Variants in OR3A2 observed in about 807,000 individuals in gnomAD.
The protein encoded by OR3A2 is olfactory receptor 3A2.
For missense variants in OR3A2, 318 were observed against 392.8 expected (o/e 0.81, Z 1.61); for synonymous variants, 126 against 159.3 (o/e 0.79, Z 1.57).
chr17:3,292,316 C>A (rs2150622145), intron 3 of OR3A2: 1 of 1,614,136 alleles, frequency 6.2e-7, no homozygotes, highest in South Asian at 1.1e-5. Context: ...GCTTGCGGGA[C>A]AGGAGACGAC....
rs376331353 is a variant in OR3A2 at position 3,278,934 on chromosome 17, A to G, written c.-6-11T>C. ...TGGCTCCATGAGTTTCTGTAAGGACATGTCCCAGCAGGGGAGGTATCAGTT... is the reference window on the plus strand; with the variant it reads ...TGGCTCCATGAGTTTCTGTAAGGACGTGTCCCAGCAGGGGAGGTATCAGTT... On this transcript the variant is annotated splice_polypyrimidine_tract_variant and intron_variant, in intron 1 of 1. Coordinates refer to ENST00000642052, the Ensembl canonical transcript of OR3A2. The G allele has an allele frequency of 1.3e-6, 2 of 1,543,690 alleles. No homozygotes were observed. Among genetic ancestry groups the G allele is most frequent in the African/African-American group, 2.8e-5 (2 of 72,004 alleles).
chr17:3,298,291 C>T (rs144401251), intron 3 of OR3A2: 38 of 152,274 alleles, frequency 2.5e-4, no homozygotes, highest in African/African-American at 8.7e-4. Flanking sequence ...ACCTGGATTA[C>T]CACTCTCAGG....
At chr17:3,284,154 A>T (rs2048793589) in intron 1 of OR3A2, among the ~76,000 whole-genome samples, 1 of 149,036 alleles carries the variant, frequency 6.7e-6, no homozygotes, top group South Asian at 2.2e-4. Flanking sequence ...ACTCATGCTA[A>T]CAGGCAGCAG....
Position 3,291,914 on chromosome 17 carries a change from G to A in OR3A2, c.-84-12761C>T, listed in dbSNP as rs199711058. Reference sequence around the variant, plus strand: ...GAATTCGCAGGACTGCAGCTGCCACGTGGATATAGGAGATGACAATGAGAG... The same window carrying A: ...GAATTCGCAGGACTGCAGCTGCCACATGGATATAGGAGATGACAATGAGAG... On this transcript the variant is annotated intron_variant, in intron 3 of 4. Coordinates refer to the OR3A2 transcript ENST00000573491. 5.6e-6 allele frequency: 9 copies of A among 1,614,234 alleles called. No homozygotes were observed. In the East Asian group the frequency reaches 6.7e-5, roughly 12 times the overall value.
chr17:3,309,108 A>G (rs7219696), intron 3 of OR3A2, among the ~76,000 whole-genome samples: 28,655 of 151,696 alleles, frequency 0.19, 4,238 homozygotes, highest in African/African-American at 0.41. Flanking sequence ...GTTTCACCAT[A>G]TTGGCTAGGC....
At chr17:3,339,051 T>A (rs763533616) in intron 2 of OR3A2, among the ~76,000 whole-genome samples, 1 of 152,200 alleles carries the variant, frequency 6.6e-6, no homozygotes, top group Admixed American at 6.5e-5. Flanking sequence ...AGTTCACTTA[T>A]GATTTGGCTC....
At chr17:3,292,658 C>G in intron 3 of OR3A2, 1 of 1,325,776 alleles carries the variant, frequency 7.5e-7, no homozygotes, top group African/African-American at 1.5e-5. Flanking sequence ...GAAAAAGAAA[C>G]AGACCCCCTT....
chr17:3,283,329 G>A (rs1387122390), intron 1 of OR3A2, among the ~76,000 whole-genome samples: 1 of 152,062 alleles, frequency 6.6e-6, no homozygotes, highest in African/African-American at 2.4e-5. Flanking sequence ...GGGTTCAAGC[G>A]ATTCTCCTGC....
chr17:3,381,259 G>A (rs976028640), intron 2 of OR3A2, among the ~76,000 whole-genome samples: 23 of 151,964 alleles, frequency 1.5e-4, no homozygotes, highest in East Asian at 3.9e-4. Context: ...CTGAATGTGC[G>A]CTCCAAAAGT....
chr17:3,384,024 A>G (rs962302214), intron 1 of OR3A2: 4 of 141,124 alleles, frequency 2.8e-5, no homozygotes, highest in Non-Finnish European at 6.1e-5. Context: ...TTGTATACAA[A>G]TATTTATTGA....
intron 1 of OR3A2, among the ~76,000 whole-genome samples, chr17:3,385,018 C>G (rs984819617): frequency 1.3e-5 from 2 of 151,084 alleles, no homozygotes; most frequent in African/African-American, 4.8e-5. Context: ...ATGGAGAAAC[C>G]CGGTCTCTAC....
rs1213757978 is a variant in OR3A2 at position 3,368,544 on chromosome 17, TA to T, written c.-179+15259del. On this transcript the variant is annotated intron_variant, in intron 2 of 4. Transcript: ENST00000573491. ...TGCTTTGTCAAAGATCAGTTGGGTG[TA>T]AATATTTGAGCTTATTTCTGGGTTC... 2.6e-5 allele frequency among the ~76,000 whole-genome samples: 4 copies of T among 152,310 alleles called. No homozygotes were observed. The East Asian group carries it at 7.7e-4, about 29-fold the overall frequency.
At position 3,341,982 on chromosome 17, in the gene OR3A2, T is replaced by C. The variant is rs576466170; in HGVS notation, c.-178-5856A>G. Among the ~76,000 whole-genome samples, 13 of 152,348 alleles carry C rather than the reference T, an allele frequency of 8.5e-5. No homozygotes were observed. In the East Asian group the frequency reaches 1.9e-3, roughly 23 times the overall value. On this transcript the variant is annotated intron_variant, in intron 2 of 4. Transcript: ENST00000573491. ...TCGTTTCTTTTTACTCTTTTTTCTC[T>C]AAACTTCTCTTCTTGCTTTATTTCA...
chr17:3,329,223 C>T (rs1376089886), intron 3 of OR3A2, among the ~76,000 whole-genome samples: 1 of 151,668 alleles, frequency 6.6e-6, no homozygotes, highest in Non-Finnish European at 1.5e-5. Flanking sequence ...ATGCTGGCCT[C>T]ATAAAATGAG....
chr17:3,354,089 T>C (rs986969218), intron 2 of OR3A2, among the ~76,000 whole-genome samples: 2 of 151,856 alleles, frequency 1.3e-5, no homozygotes, highest in Non-Finnish European at 2.9e-5. Context: ...GCTAGCATTT[T>C]GTTGAAGATT....
At chr17:3,340,896 G>A (rs1597349380) in intron 2 of OR3A2, among the ~76,000 whole-genome samples, 1 of 152,198 alleles carries the variant, frequency 6.6e-6, no homozygotes, top group East Asian at 1.9e-4. Context: ...AAGTGTGGGA[G>A]TCTAAGTCTC....
chr17:3,357,576 T>G (rs2049474003), intron 2 of OR3A2, among the ~76,000 whole-genome samples: 1 of 151,502 alleles, frequency 6.6e-6, no homozygotes, highest in Admixed American at 6.6e-5. Flanking sequence ...AGGAGAGTTT[T>G]TGTTTAATGG....
chr17:3,314,673 A>C (rs1048143189), intron 3 of OR3A2, among the ~76,000 whole-genome samples: 2 of 152,206 alleles, frequency 1.3e-5, no homozygotes, highest in Admixed American at 6.5e-5. Context: ...TGTAATTTTA[A>C]AAAATTAAAT....
At chr17:3,356,265 C>G (rs906381868) in intron 2 of OR3A2, among the ~76,000 whole-genome samples, 1 of 151,410 alleles carries the variant, frequency 6.6e-6, no homozygotes, top group Non-Finnish European at 1.5e-5. Context: ...GAGTAGTTTA[C>G]ACACCACAGT....
Sources: gnomAD v4.1 joint callset for allele counts (sites outside exome capture counted in the v4.1 genomes callset) on GRCh38, gnomAD v4.1.1 for gene constraint, MANE v1.5 for transcripts, NCBI Gene and HGNC (gene_info 2026-07-23, HGNC 2026-07-21) for gene names.